Variants in SH3GLB2 observed in about 807,000 individuals in gnomAD.
SH3GLB2 encodes the protein endophilin-B2.
A neutral mutation model predicts 48.0 loss-of-function variants in SH3GLB2; 24 were observed. That is an observed-to-expected ratio of 0.50 (90% CI 0.36 to 0.70). The LOEUF is 0.70. Among genes scored for constraint, SH3GLB2 ranks in the 30% least tolerant of loss-of-function variants. SH3GLB2 has a pLI of 0.00. For missense variants in SH3GLB2, 425 were observed against 516.0 expected (o/e 0.82, Z 1.71); for synonymous variants, 227 against 207.6 (o/e 1.09, Z -0.80).
Position 129,007,649 on chromosome 9 carries a change from C to T in SH3GLB2, c.*1035G>A, listed in dbSNP as rs569308063. 3 of 152,332 alleles carry T rather than the reference C, an allele frequency of 2.0e-5. No homozygotes were observed. The highest frequency in any genetic ancestry group is 4.8e-5 in the African/African-American group (2 of 41,570). The allele number at this position is 152,332 out of a possible 1,614,324, so 9.4% of individuals were successfully genotyped here. A position where few individuals can be genotyped will look rare whatever the true frequency, so the allele number is the denominator to read the frequency against. On this transcript the variant is annotated 3_prime_UTR_variant, in exon 11 of 11. Coordinates refer to ENST00000372564, the MANE Select transcript of SH3GLB2 (RefSeq NM_020145.4). The stretch of plus-strand genomic sequence containing the variant: ...GCTGATCTCATCTGTGAAATGTGGA[C>T]ACTGAGGACGGCATGAGAACCCATG...
intron 1 of SH3GLB2, among the ~76,000 whole-genome samples, chr9:129,023,751 C>G (rs1211218927): frequency 1.3e-5 from 2 of 152,252 alleles, no homozygotes; most frequent in East Asian, 3.9e-4. Flanking sequence ...TGGGTTTCTC[C>G]CTGCAGGGCT....
chr9:129,014,003 G>A lies in SH3GLB2; in HGVS notation c.561+408C>T, dbSNP rs1040906124. On this transcript the variant is annotated intron_variant, in intron 5 of 10. Transcript: ENST00000372564. The surrounding 1 kb of genome is among the most constrained non-coding windows in gnomAD (Gnocchi z 4.1). ...GCTCCCAGGTTTTCCACACCATCGT[G>A]GGGGCGCCTGAGCACAGGGACCCTC... The A allele has an allele frequency of 4.3e-6, 2 of 466,694 alleles. No homozygotes were observed. Among genetic ancestry groups the A allele is most frequent in the Non-Finnish European group, 8.5e-6 (2 of 234,148 alleles). The allele number at this position is 466,694 out of a possible 1,614,324, so 28.9% of individuals were successfully genotyped here. A position where few individuals can be genotyped will look rare whatever the true frequency, so the allele number is the denominator to read the frequency against.
In SH3GLB2 at chr9:129,022,753, C is replaced by T. The variant is rs939504635; in HGVS notation, c.64-330G>A. ...GGTGAGGAACCCTGGGGAGGCCAGC[C>T]CTAGGGTCCTTTGAGTCTGACTCTG... On this transcript the variant is annotated intron_variant, in intron 1 of 10. Coordinates refer to ENST00000372564, the MANE Select transcript of SH3GLB2 (RefSeq NM_020145.4). Among the ~76,000 whole-genome samples the T allele has an allele frequency of 3.9e-5, 6 of 152,276 alleles. No individual in the cohort carries two copies. The South Asian group carries it at 6.2e-4, about 16-fold the overall frequency.
At chr9:129,021,454 A>C (rs1843790736) in intron 2 of SH3GLB2, among the ~76,000 whole-genome samples, 1 of 152,148 alleles carries the variant, frequency 6.6e-6, no homozygotes, top group Non-Finnish European at 1.5e-5. Flanking sequence ...ACCATAATAC[A>C]TGCTTGCACA....
At chr9:129,022,069 C>T (rs1588334741) in intron 2 of SH3GLB2, among the ~76,000 whole-genome samples, 1 of 151,954 alleles carries the variant, frequency 6.6e-6, no homozygotes, top group East Asian at 1.9e-4. Flanking sequence ...CTGTGCAAAA[C>T]TCAGTGTTTC....
intron 3 of SH3GLB2, among the ~76,000 whole-genome samples, chr9:129,017,228 G>A (rs1374589293): frequency 6.6e-6 from 1 of 152,024 alleles, no homozygotes; most frequent in African/African-American, 2.4e-5. Context: ...GGGATTACAG[G>A]TGTGAGCCAC....
At chr9:129,024,846 T>C (rs1173512647) in intron 1 of SH3GLB2, among the ~76,000 whole-genome samples, 1 of 151,250 alleles carries the variant, frequency 6.6e-6, no homozygotes, top group East Asian at 2.0e-4. Context: ...GGCAGGCGCC[T>C]GTAATCCCAG....
chr9:129,021,018 AAAAG>A, intron 3 of SH3GLB2, 69 bp downstream of exon 3: 7 of 1,356,128 alleles, frequency 5.2e-6, no homozygotes, highest in Non-Finnish European at 6.7e-6. Flanking sequence ...TTAAGTAAAA[AAAAG>A]GAAGGGAGGG....
At chr9:129,026,435 A>G (rs1213022958) in intron 1 of SH3GLB2, among the ~76,000 whole-genome samples, 1 of 152,146 alleles carries the variant, frequency 6.6e-6, no homozygotes, top group East Asian at 1.9e-4. Context: ...CAATCCTGCC[A>G]AGAGGAAGGG....
At chr9:129,012,555 A>G in intron 5 of SH3GLB2, 1 of 422,624 alleles carries the variant, frequency 2.4e-6, no homozygotes, top group Non-Finnish European at 4.2e-6. Flanking sequence ...TGCGGTGAGG[A>G]GATGGCCGAG....
At chr9:129,018,504 G>C (rs1314835275) in intron 3 of SH3GLB2, among the ~76,000 whole-genome samples, 2 of 151,614 alleles carry the variant, frequency 1.3e-5, no homozygotes, top group Non-Finnish European at 1.5e-5. Context: ...TTGAACCCAG[G>C]AGGCGGAGGT....
At chr9:129,009,909 C>T (rs768519355) in intron 8 of SH3GLB2, 38 bp from the exon 9 acceptor site, 11 of 1,579,892 alleles carry the variant, frequency 7.0e-6, no homozygotes, top group African/African-American at 2.7e-5. Context: ...TCTAACCTCC[C>T]GCCCTCAGAA....
At chr9:129,023,828 T>G (rs370707349) in intron 1 of SH3GLB2, among the ~76,000 whole-genome samples, 1 of 151,954 alleles carries the variant, frequency 6.6e-6, no homozygotes, top group African/African-American at 2.4e-5. Context: ...CTGGCCTCCC[T>G]CCCCCACCCT....
At chr9:129,018,010 T>C (rs1435671113) in intron 3 of SH3GLB2, among the ~76,000 whole-genome samples, 1 of 151,900 alleles carries the variant, frequency 6.6e-6, no homozygotes, top group East Asian at 1.9e-4. Flanking sequence ...GAGGATCCCT[T>C]GAACCTGGGA....
chr9:129,010,002 C>A, intron 8 of SH3GLB2, 118 bp downstream of exon 8: 1 of 1,370,644 alleles, frequency 7.3e-7, no homozygotes, highest in East Asian at 2.3e-5. Flanking sequence ...CCCACACCCT[C>A]CCCGGTGGGA....
At position 129,008,474 on chromosome 9, in the gene SH3GLB2, C is replaced by G. The variant is rs1386338239; in HGVS notation, c.*210G>C. ...GGGGATGCAGGCAGGGGCAGGGGCT[C>G]CAGAGCCACAGGTCAGAAGCAGGGC... On this transcript the variant is annotated 3_prime_UTR_variant, in exon 11 of 11. Coordinates refer to ENST00000372564, the MANE Select transcript of SH3GLB2 (RefSeq NM_020145.4). 3.8e-6 allele frequency: 2 copies of G among 527,344 alleles called. No individual in the cohort carries two copies. Among genetic ancestry groups the G allele is most frequent in the African/African-American group, 1.9e-5 (1 of 52,048 alleles). The allele number at this position is 527,344 out of a possible 1,614,324, so 32.7% of individuals were successfully genotyped here.
chr9:129,011,023 G>A lies in SH3GLB2; in HGVS notation c.625-330C>T. ...CCCATCCTGACTGCTGGCTCAGGCT[G>A]CTGGGCTGGGCGGCAGAACTGTGTG... On this transcript the variant is annotated intron_variant, in intron 6 of 10. Transcript: ENST00000372564. The surrounding 1 kb of genome is among the most constrained non-coding windows in gnomAD (Gnocchi z 4.5). The A allele has an allele frequency of 5.2e-6, 2 of 385,106 alleles. No homozygotes were observed. Among genetic ancestry groups the A allele is most frequent in the Non-Finnish European group, 9.5e-6 (2 of 210,672 alleles). The allele number at this position is 385,106 out of a possible 1,614,324, so 23.9% of individuals were successfully genotyped here.
chr9:129,010,733 AGAG>A, intron 6 of SH3GLB2, 40 bp from the exon 7 acceptor site: 2 of 1,612,280 alleles, frequency 1.2e-6, no homozygotes, highest in Non-Finnish European at 1.7e-6. Context: ...AGGGGAGGGG[AGAG>A]GAGGACAGCT....
At position 129,009,237 on chromosome 9, in the gene SH3GLB2, G is replaced by C. The variant is rs1419067353; in HGVS notation, c.949C>G (p.Leu317Val). The C allele has an allele frequency of 6.3e-7, 1 of 1,597,252 alleles. No individual in the cohort carries two copies. The highest frequency in any genetic ancestry group is 8.5e-7 in the Non-Finnish European group (1 of 1,172,092). ...AGCGAGGCCTCCCCCGGAGGGGCCA[G>C]GCTGGCCACAGAGGGCACCACAGGC... ...TMPVVPSVAS[L>V]APPGEASLCL... Residue 317 changes from leucine (L) to valine (V), a missense_variant, in exon 10 of 11, where the codon CTG (leucine) becomes GTG (valine). Physicochemically the swap from Leu to Val is conservative, Grantham distance 32. Coordinates refer to ENST00000372564, the MANE Select transcript of SH3GLB2 (RefSeq NM_020145.4).
Sources: gnomAD v4.1 joint callset for allele counts (sites outside exome capture counted in the v4.1 genomes callset) on GRCh38, gnomAD v4.1.1 for gene constraint, Gnocchi (gnomAD v3.1) non-coding constraint, MANE v1.5 for transcripts, NCBI Gene and HGNC (gene_info 2026-07-23, HGNC 2026-07-21) for gene names.